The following PITPNC1 variants were observed in gnomAD, a reference collection of about 807,000 sequenced individuals.
The protein encoded by PITPNC1 is cytoplasmic phosphatidylinositol transfer protein 1.
Under a neutral mutation model 44.7 loss-of-function variants are expected in PITPNC1, and 18 were observed. The observed-to-expected ratio is 0.40, with a 90% CI of 0.28 to 0.60. PITPNC1 has a LOEUF of 0.60. Ranked by LOEUF, PITPNC1 falls within the 20% of genes least tolerant of loss-of-function variation. The pLI, the probability that PITPNC1 is intolerant of heterozygous loss-of-function variation, is 0.39. For synonymous variants in PITPNC1, 141 were observed against 149.6 expected (o/e 0.94, Z 0.42); for missense variants, 290 against 418.4 (o/e 0.69, Z 2.68).
chr17:67,672,226 G>A (rs758146682), intron 7 of PITPNC1, among the ~76,000 whole-genome samples: 33 of 151,978 alleles, frequency 2.2e-4, no homozygotes, highest in Non-Finnish European at 4.4e-4. Flanking sequence ...GAGCCACCAT[G>A]CCCGGCTTCA....
intron 2 of PITPNC1, among the ~76,000 whole-genome samples, chr17:67,533,184 C>A (rs1263456969): frequency 2.6e-5 from 4 of 152,128 alleles, no homozygotes; most frequent in Non-Finnish European, 4.4e-5. Flanking sequence ...GGCTTGAGGC[C>A]AGGAGTTTGA....
At chr17:67,444,401 T>C (rs1270395356) in intron 1 of PITPNC1, among the ~76,000 whole-genome samples, 2 of 151,952 alleles carry the variant, frequency 1.3e-5, no homozygotes, top group Non-Finnish European at 2.9e-5. Flanking sequence ...GGTGAGCAGA[T>C]TGTTTTATCT....
chr17:67,439,570 C>T (rs1226195528), intron 1 of PITPNC1, among the ~76,000 whole-genome samples: 4 of 152,122 alleles, frequency 2.6e-5, no homozygotes, highest in South Asian at 4.1e-4. Flanking sequence ...CAGCCTTGGG[C>T]GGGGGCCTGA....
intron 2 of PITPNC1, among the ~76,000 whole-genome samples, chr17:67,539,488 G>A (rs2040574237): frequency 6.6e-6 from 1 of 152,204 alleles, no homozygotes; most frequent in Non-Finnish European, 1.5e-5. Context: ...TAATGAACTA[G>A]ACATACTTTG....
intron 5 of PITPNC1, among the ~76,000 whole-genome samples, chr17:67,622,498 TTGG>T (rs60466346): frequency 0.7 from 100,194 of 143,830 alleles, 35,135 homozygotes; most frequent in South Asian, 0.74. Context: ...GTTTTCATCA[TTGG>T]TGGTAGCCTG....
intron 4 of PITPNC1, among the ~76,000 whole-genome samples, chr17:67,558,663 C>T (rs1272987688): frequency 3.3e-5 from 5 of 152,186 alleles, no homozygotes; most frequent in East Asian, 3.9e-4. Context: ...CCCTCTCCAC[C>T]GGCATCTCTC....
intron 1 of PITPNC1, among the ~76,000 whole-genome samples, chr17:67,458,871 C>T (rs1038807717): frequency 2.6e-5 from 4 of 152,104 alleles, no homozygotes; most frequent in African/African-American, 9.7e-5. Context: ...GTGTCACTGC[C>T]TTGGGGCCAA....
At chr17:67,404,325 C>A (rs749434896) in intron 1 of PITPNC1, among the ~76,000 whole-genome samples, 5 of 152,172 alleles carry the variant, frequency 3.3e-5, no homozygotes, top group Admixed American at 6.6e-5. Flanking sequence ...AACGTAGATA[C>A]AATTTTAGAT....
intron 1 of PITPNC1, among the ~76,000 whole-genome samples, chr17:67,516,731 G>T (rs376108581): frequency 6.6e-6 from 1 of 152,094 alleles, no homozygotes; most frequent in Non-Finnish European, 1.5e-5. Flanking sequence ...CGATTCTCCC[G>T]CCTCAGCCTC....
intron 5 of PITPNC1, among the ~76,000 whole-genome samples, chr17:67,590,161 T>G (rs750468316): frequency 7.2e-5 from 11 of 152,060 alleles, no homozygotes; most frequent in Non-Finnish European, 1.3e-4. Context: ...TTTTCCCCAC[T>G]CAAAAATAAT....
intron 1 of PITPNC1, among the ~76,000 whole-genome samples, chr17:67,491,710 T>G (rs2039866887): frequency 6.6e-6 from 1 of 152,148 alleles, no homozygotes; most frequent in Non-Finnish European, 1.5e-5. Context: ...GGCATGCCTG[T>G]AGTCCTAGCT....
At chr17:67,691,963 C>T (rs1294034292) in intron 8 of PITPNC1, among the ~76,000 whole-genome samples, 1 of 151,572 alleles carries the variant, frequency 6.6e-6, no homozygotes, top group Non-Finnish European at 1.5e-5. Flanking sequence ...GAGTCATGAT[C>T]GCACCACTGC....
intron 6 of PITPNC1, among the ~76,000 whole-genome samples, chr17:67,657,052 G>A (rs1315735511): frequency 1.3e-5 from 2 of 152,198 alleles, no homozygotes; most frequent in Admixed American, 1.3e-4. Context: ...GTGTTAAGGA[G>A]GACAGTGAGG....
chr17:67,588,847 C>T (rs1458998742), intron 5 of PITPNC1, among the ~76,000 whole-genome samples: 2 of 152,196 alleles, frequency 1.3e-5, no homozygotes, highest in Admixed American at 6.5e-5. Context: ...TTATCTCTTC[C>T]TTAAATGGCT....
intron 2 of PITPNC1, among the ~76,000 whole-genome samples, chr17:67,551,172 C>T (rs1326437739): frequency 4.6e-5 from 4 of 86,614 alleles, no homozygotes; most frequent in Non-Finnish European, 9.4e-5. Context: ...TGGGGCTGCA[C>T]TGTTCTCTAA....
intron 1 of PITPNC1, among the ~76,000 whole-genome samples, chr17:67,410,017 T>C (rs2038469845): frequency 6.6e-6 from 1 of 152,214 alleles, no homozygotes; most frequent in African/African-American, 2.4e-5. Flanking sequence ...AGTATGTGCC[T>C]AGAAGTGTAG....
At chr17:67,570,023 G>A (rs533648177) in intron 4 of PITPNC1, among the ~76,000 whole-genome samples, 1 of 152,284 alleles carries the variant, frequency 6.6e-6, no homozygotes, top group South Asian at 2.1e-4. Flanking sequence ...CCAGGGACAG[G>A]CGTGCTTTTT....
chr17:67,469,832 G>A (rs376503123), intron 1 of PITPNC1, among the ~76,000 whole-genome samples: 231 of 152,070 alleles, frequency 1.5e-3, no homozygotes, highest in African/African-American at 4.8e-3. Context: ...AGGCTCAGGA[G>A]GATAAAAACA....
At chr17:67,451,211 T>C (rs2039170505) in intron 1 of PITPNC1, among the ~76,000 whole-genome samples, 1 of 152,044 alleles carries the variant, frequency 6.6e-6, no homozygotes. Context: ...TTTGTATTTT[T>C]AGTAGAGACG....
Sources: allele counts gnomAD v4.1 joint callset (sites outside exome capture counted in the v4.1 genomes callset), GRCh38; gene constraint gnomAD v4.1.1; transcripts MANE v1.5; gene names NCBI Gene and HGNC (gene_info 2026-07-23, HGNC 2026-07-21).